The following CACNA2D3 variants were observed in gnomAD, a reference collection of about 807,000 sequenced individuals.
CACNA2D3 encodes calcium voltage-gated channel auxiliary subunit alpha2delta 3.
Under a neutral mutation model 160.6 loss-of-function variants are expected in CACNA2D3, and 60 were observed. The observed-to-expected ratio is 0.37, with a 90% CI of 0.30 to 0.46. The LOEUF is 0.46. Ranked by LOEUF, CACNA2D3 falls within the 20% of genes least tolerant of loss-of-function variation. The pLI is 1.00. For missense variants in CACNA2D3, 1,205 were observed against 1,365.0 expected (o/e 0.88, Z 1.85); for synonymous variants, 558 against 492.9 (o/e 1.13, Z -1.75).
At chr3:54,297,087 T>C (rs1275931163) in intron 2 of CACNA2D3, among the ~76,000 whole-genome samples, 1 of 152,190 alleles carries the variant, frequency 6.6e-6, no homozygotes, top group East Asian at 1.9e-4. Flanking sequence ...GTGTATCTTT[T>C]AAACATGCAC....
intron 11 of CACNA2D3, among the ~76,000 whole-genome samples, chr3:54,655,627 A>T (rs148487072): frequency 6.6e-6 from 1 of 152,154 alleles, no homozygotes; most frequent in Non-Finnish European, 1.5e-5. Context: ...CACCTATTTC[A>T]CGAATAAATA....
chr3:54,918,660 C>T (rs150198745), intron 27 of CACNA2D3: 43 of 1,614,018 alleles, frequency 2.7e-5, no homozygotes, highest in Admixed American at 1.3e-4. Context: ...GCAGGTTGGC[C>T]GGCCTTGGCT....
intron 13 of CACNA2D3, among the ~76,000 whole-genome samples, chr3:54,771,137 A>T (rs1702313718): frequency 1.3e-5 from 2 of 151,922 alleles, no homozygotes. Flanking sequence ...GCAGCTGTGT[A>T]CTCCAAGAAG....
intron 5 of CACNA2D3, among the ~76,000 whole-genome samples, chr3:54,545,786 G>T (rs982738769): frequency 2.0e-5 from 3 of 152,188 alleles, no homozygotes; most frequent in African/African-American, 7.2e-5. Flanking sequence ...GTGGGTGTTT[G>T]TGACAATACT....
chr3:54,929,072 C>A (rs553355380), intron 27 of CACNA2D3, among the ~76,000 whole-genome samples: 2 of 152,270 alleles, frequency 1.3e-5, no homozygotes, highest in East Asian at 1.9e-4. Flanking sequence ...CAATCCTTGG[C>A]TCCAGGAGGT....
chr3:54,209,584 A>G (rs1327143548), intron 2 of CACNA2D3, among the ~76,000 whole-genome samples: 1 of 152,232 alleles, frequency 6.6e-6, no homozygotes, highest in African/African-American at 2.4e-5. Flanking sequence ...GAAAAGCGTA[A>G]TGTGAAAGGC....
chr3:54,187,579 AG>A (rs1184568784), intron 2 of CACNA2D3, among the ~76,000 whole-genome samples: 1 of 152,100 alleles, frequency 6.6e-6, no homozygotes, highest in Non-Finnish European at 1.5e-5. Flanking sequence ...GCAGTCAGGA[AG>A]GGCTTCCCGG....
intron 32 of CACNA2D3, 144 bp downstream of exon 32, chr3:55,004,982 A>C: frequency 8.0e-6 from 5 of 626,004 alleles, no homozygotes; most frequent in South Asian, 6.4e-5. Flanking sequence ...AAAAAAAAAA[A>C]AAAACACTTC....
At chr3:54,902,271 C>T (rs187130815) in intron 27 of CACNA2D3, among the ~76,000 whole-genome samples, 2 of 152,308 alleles carry the variant, frequency 1.3e-5, no homozygotes, top group African/African-American at 2.4e-5. Flanking sequence ...CTATATATGT[C>T]TGGGGTAGAA....
intron 33 of CACNA2D3, among the ~76,000 whole-genome samples, chr3:55,009,106 G>A (rs1703158462): frequency 6.6e-6 from 1 of 152,106 alleles, no homozygotes; most frequent in African/African-American, 2.4e-5. Flanking sequence ...TTGAACAACT[G>A]GTGAACAACA....
rs907575133 is a variant in CACNA2D3, at chr3:54,342,541, T to C, written c.321+21983T>C. Among the ~76,000 whole-genome samples, 6 of 152,030 alleles carry C rather than the reference T, an allele frequency of 3.9e-5. No individual in the cohort carries two copies. In the East Asian group the frequency reaches 5.8e-4, roughly 15 times the overall value. On this transcript the variant is annotated intron_variant, in intron 3 of 37. Coordinates refer to ENST00000474759, the MANE Select transcript of CACNA2D3 (RefSeq NM_018398.3). Reference sequence around the variant, plus strand: ...GTAGATCATCCCGGGTACAGTGTGATTGGTGACTTAGGAGCAGGACATCTT... The same window carrying C: ...GTAGATCATCCCGGGTACAGTGTGACTGGTGACTTAGGAGCAGGACATCTT...
chr3:54,591,698 A>C (rs1702863833), intron 9 of CACNA2D3, among the ~76,000 whole-genome samples: 1 of 151,468 alleles, frequency 6.6e-6, no homozygotes, highest in African/African-American at 2.4e-5. Context: ...ATCTGAGTCC[A>C]GGGTTGGCAG....
At chr3:54,926,177 A>C (rs2106943848) in intron 27 of CACNA2D3, among the ~76,000 whole-genome samples, 1 of 152,302 alleles carries the variant, frequency 6.6e-6, no homozygotes, top group South Asian at 2.1e-4. Flanking sequence ...AATCATTAGT[A>C]ATGACAAAAA....
chr3:55,063,071 C>A (rs1402865060), intron 35 of CACNA2D3, among the ~76,000 whole-genome samples: 1 of 152,180 alleles, frequency 6.6e-6, no homozygotes, highest in Non-Finnish European at 1.5e-5. Context: ...AGACATACTT[C>A]CCTTTGAGAA....
At chr3:54,637,053 T>C (rs1046814300) in intron 10 of CACNA2D3, among the ~76,000 whole-genome samples, 1 of 151,890 alleles carries the variant, frequency 6.6e-6, no homozygotes, top group Middle Eastern at 3.2e-3. Flanking sequence ...ACGGGGTGGA[T>C]AGGCAAAACA....
At chr3:54,559,426 G>A (rs1168072846) in intron 5 of CACNA2D3, among the ~76,000 whole-genome samples, 2 of 152,092 alleles carry the variant, frequency 1.3e-5, no homozygotes, top group African/African-American at 2.4e-5. Flanking sequence ...CCAAGTAGCT[G>A]GGACTACAGA....
intron 11 of CACNA2D3, among the ~76,000 whole-genome samples, chr3:54,657,035 A>T (rs1436943907): frequency 7.1e-6 from 1 of 140,738 alleles, no homozygotes; most frequent in Non-Finnish European, 1.5e-5. Flanking sequence ...GTTTTATAGG[A>T]TTTGGGTAGG....
intron 2 of CACNA2D3, among the ~76,000 whole-genome samples, chr3:54,172,153 C>G (rs766214930): frequency 1.3e-5 from 2 of 152,202 alleles, no homozygotes; most frequent in Non-Finnish European, 1.5e-5. Flanking sequence ...CAGGCATTCA[C>G]CACTCCACTC....
At chr3:54,743,837 A>G (rs1383520198) in intron 11 of CACNA2D3, among the ~76,000 whole-genome samples, 1 of 152,234 alleles carries the variant, frequency 6.6e-6, no homozygotes, top group Non-Finnish European at 1.5e-5. Context: ...AGTGTCCAGC[A>G]GCCTGAAGCT....
Sources: allele counts gnomAD v4.1 joint callset (sites outside exome capture counted in the v4.1 genomes callset), GRCh38; gene constraint gnomAD v4.1.1; transcripts MANE v1.5; gene names NCBI Gene and HGNC (gene_info 2026-07-23, HGNC 2026-07-21).